The following KICS2 variants were observed in gnomAD, a reference collection of about 807,000 sequenced individuals.
The protein encoded by KICS2 is KICSTOR complex protein C12orf66.
In KICS2, 13 loss-of-function variants were observed where a neutral mutation model predicts 31.4. The ratio of observed to expected loss-of-function variants is 0.41; its 90% CI spans 0.27 to 0.66. KICS2 has a LOEUF of 0.66. Among genes scored for constraint, KICS2 ranks in the 30% least tolerant of loss-of-function variants. The probability of loss-of-function intolerance (pLI) is 0.28; values close to 1 mark genes in which losing one functional copy is unlikely to be tolerated. For missense variants in KICS2, 455 were observed against 545.4 expected (o/e 0.83, Z 1.65); for synonymous variants, 209 against 214.8 (o/e 0.97, Z 0.24).
At chr12:64,195,302 T>C (rs903955251) in intron 2 of KICS2, among the ~76,000 whole-genome samples, 17 of 152,320 alleles carry the variant, frequency 1.1e-4, no homozygotes, top group Admixed American at 9.8e-4. Context: ...GCATGCTCTT[T>C]TCAGAGTGTG....
At chr12:64,215,998 A>G in intron 1 of KICS2, 35 bp from the exon 2 acceptor site, 1 of 1,570,700 alleles carries the variant, frequency 6.4e-7, no homozygotes, top group Non-Finnish European at 8.6e-7. Context: ...ATGACAAGTA[A>G]GAAGGAGAAA....
At chr12:64,205,984 G>A (rs756090974) in intron 2 of KICS2, among the ~76,000 whole-genome samples, 6 of 152,120 alleles carry the variant, frequency 3.9e-5, no homozygotes, top group African/African-American at 1.4e-4. Flanking sequence ...CAGGGTCTCT[G>A]AACAGCTCAA....
At chr12:64,221,892 G>T in intron 1 of KICS2, 111 bp downstream of exon 1, 2 of 1,206,012 alleles carry the variant, frequency 1.7e-6, no homozygotes, top group Non-Finnish European at 2.3e-6. Context: ...ATGCCGAGTC[G>T]AGCCTGCGAC....
chr12:64,201,628 A>AAC (rs1565716293), intron 2 of KICS2, among the ~76,000 whole-genome samples: 2 of 146,008 alleles, frequency 1.4e-5, no homozygotes, highest in Non-Finnish European at 3.0e-5. Context: ...AGAAAAAAAA[A>AAC]AAAAACAAAA....
At position 64,193,815 on chromosome 12, in the gene KICS2, T is replaced by C. The variant is rs770286617; in HGVS notation, c.*27A>G. ...GGGCAATTAAGAACAGTTTCTAGTC[T>C]TGAAACCCCTCCACGCAAATCACCT... is the stretch of plus-strand genomic sequence containing the variant. On this transcript the variant is annotated 3_prime_UTR_variant, in exon 3 of 3. Transcript: ENST00000398055. The C allele has an allele frequency of 8.2e-6, 13 of 1,590,642 alleles. No homozygotes were observed. The highest frequency in any genetic ancestry group is 1.2e-5 in the South Asian group (1 of 85,904).
At chr12:64,188,162 G>A (rs2037353138), downstream of KICS2, among the ~76,000 whole-genome samples, 1 of 152,196 alleles carries the variant, frequency 6.6e-6, no homozygotes, top group Non-Finnish European at 1.5e-5. Flanking sequence ...TGTATGTCCT[G>A]GATCTCAGAG....
intron 2 of KICS2, among the ~76,000 whole-genome samples, chr12:64,203,993 T>C (rs1228140845): frequency 6.6e-6 from 1 of 152,260 alleles, no homozygotes; most frequent in African/African-American, 2.4e-5. Context: ...TGTAAGCCAT[T>C]ATTCTCAGCA....
intron 2 of KICS2, among the ~76,000 whole-genome samples, chr12:64,202,028 A>G (rs980812937): frequency 2.6e-5 from 4 of 152,246 alleles, no homozygotes; most frequent in African/African-American, 9.6e-5. Flanking sequence ...GATACTCAGT[A>G]AATAACTGAA....
chr12:64,219,629 C>T (rs1004692467), intron 1 of KICS2, among the ~76,000 whole-genome samples: 5 of 151,928 alleles, frequency 3.3e-5, no homozygotes, highest in African/African-American at 1.2e-4. Flanking sequence ...TCACAATATA[C>T]ACATGAAAGA....
Position 64,218,498 on chromosome 12 carries a change from T to C in KICS2, c.236-2535A>G, listed in dbSNP as rs1280050319. Among the ~76,000 whole-genome samples, 3 of 152,204 alleles carry C rather than the reference T, an allele frequency of 2.0e-5. No individual in the cohort carries two copies. The East Asian group carries it at 5.8e-4, about 29-fold the overall frequency. ...GAACAAAGAATATATTCTATAATAC[T>C]AATTCCTTTCCCTTCTATTTATAAC... On this transcript the variant is annotated intron_variant, in intron 1 of 2. Coordinates refer to ENST00000398055, the MANE Select transcript of KICS2 (RefSeq NM_152440.5).
chr12:64,205,526 G>A (rs1320532090), intron 2 of KICS2, among the ~76,000 whole-genome samples: 1 of 151,266 alleles, frequency 6.6e-6, no homozygotes, highest in Non-Finnish European at 1.5e-5. Context: ...ACAGCAGCAA[G>A]CTTGAAAGAG....
Position 64,193,954 on chromosome 12 carries a change from T to A in KICS2, c.1226A>T (p.Glu409Val). The change falls in exon 3 of 3, where the codon GAG (glutamate) becomes GTG (valine). Residue 409 changes from glutamate (E) to valine (V), a missense_variant. By Grantham distance (121) the Glu-to-Val change is moderately radical. Transcript: ENST00000398055. ...EPHFTIVIIF[E>V]SKKSERDSHF... ...GGAGTCTCTCTCAGATTTCTTTGAC[T>A]CAAAAATGATGACAATGGTAAAGTG... The A allele has an allele frequency of 1.2e-6, 2 of 1,614,172 alleles. No individual in the cohort carries two copies. Among genetic ancestry groups the A allele is most frequent in the Non-Finnish European group, 1.7e-6 (2 of 1,180,020 alleles).
intron 2 of KICS2, among the ~76,000 whole-genome samples, chr12:64,195,716 G>A (rs2037428018): frequency 6.6e-6 from 1 of 152,264 alleles, no homozygotes; most frequent in African/African-American, 2.4e-5. Context: ...GGGAGTGCCA[G>A]ACAGTGGGCG....
intron 1 of KICS2, among the ~76,000 whole-genome samples, chr12:64,217,957 A>T (rs1334865816): frequency 2.0e-5 from 3 of 152,164 alleles, no homozygotes; most frequent in Non-Finnish European, 4.4e-5. Context: ...AAAGAAAGTT[A>T]GTTTATGAAT....
intron 2 of KICS2, among the ~76,000 whole-genome samples, chr12:64,211,340 C>T (rs934067986): frequency 1.3e-5 from 2 of 152,224 alleles, no homozygotes; most frequent in East Asian, 1.9e-4. Context: ...AACTTTAGGC[C>T]GGGCGCAGTG....
At chr12:64,188,072 A>G (rs1389679736), downstream of KICS2, among the ~76,000 whole-genome samples, 1 of 152,228 alleles carries the variant, frequency 6.6e-6, no homozygotes, top group African/African-American at 2.4e-5. Context: ...CGCTGCCTGA[A>G]AAAAAGTAAC....
At chr12:64,207,360 A>G (rs1350732007) in intron 2 of KICS2, among the ~76,000 whole-genome samples, 1 of 147,632 alleles carries the variant, frequency 6.8e-6, no homozygotes, top group East Asian at 1.9e-4. Context: ...ATTTTTTTTT[A>G]ACAAAATAAA....
downstream of KICS2, chr12:64,187,656 G>T: frequency 6.5e-7 from 1 of 1,535,078 alleles, no homozygotes; most frequent in Non-Finnish European, 8.7e-7. Flanking sequence ...CAGGAACCTG[G>T]TAGAAAAGTA....
chr12:64,186,977 G>A (rs982637759), downstream of KICS2: 1 of 152,266 alleles, frequency 6.6e-6, no homozygotes, highest in Non-Finnish European at 1.5e-5. Context: ...GGTAAAGGGT[G>A]TGCCCTACAT....
Sources: gnomAD v4.1 joint callset for allele counts (sites outside exome capture counted in the v4.1 genomes callset) on GRCh38, gnomAD v4.1.1 for gene constraint, MANE v1.5 for transcripts, NCBI Gene and HGNC (gene_info 2026-07-23, HGNC 2026-07-21) for gene names.